RTTN: variants seen among roughly 807,000 people sequenced by gnomAD.
RTTN encodes rotatin.
RTTN carries 182 observed loss-of-function variants against 269.2 expected under a neutral mutation model. That is an observed-to-expected ratio of 0.68 (90% CI 0.60 to 0.76). The LOEUF is 0.76. Ranked by LOEUF, RTTN falls within the 30% of genes least tolerant of loss-of-function variation. The probability of loss-of-function intolerance (pLI) is 0.00; values close to 1 mark genes in which losing one functional copy is unlikely to be tolerated. For missense variants in RTTN, 2,545 were observed against 2,608.6 expected, an observed-to-expected ratio of 0.98 and a Z score of 0.53; for synonymous variants, 1,006 against 963.5, an observed-to-expected ratio of 1.04 and a Z score of -0.82.
At chr18:70,162,349 C>T (rs1048141492) in intron 14 of RTTN, among the ~76,000 whole-genome samples, 5 of 152,096 alleles carry the variant, frequency 3.3e-5, no homozygotes, top group African/African-American at 1.2e-4. Context: ...GACAGTGGGG[C>T]CTACTTCACA....
At chr18:70,077,764 A>C (rs1321116246) in intron 32 of RTTN, among the ~76,000 whole-genome samples, 3 of 151,922 alleles carry the variant, frequency 2.0e-5, no homozygotes, top group Non-Finnish European at 4.4e-5. Flanking sequence ...AATAAAGTTT[A>C]GAATCTGTTC....
chr18:70,026,032 G>A (rs1180746039), intron 43 of RTTN, among the ~76,000 whole-genome samples: 1 of 152,108 alleles, frequency 6.6e-6, no homozygotes, highest in African/African-American at 2.4e-5. Context: ...CATCTTATAT[G>A]TCCTAAATTA....
intron 4 of RTTN, among the ~76,000 whole-genome samples, chr18:70,201,596 A>G (rs1357693319): frequency 1.7e-5 from 2 of 119,888 alleles, no homozygotes; most frequent in African/African-American, 6.3e-5. Context: ...CGACAGAGCG[A>G]GACTCCATCT....
intron 40 of RTTN, among the ~76,000 whole-genome samples, chr18:70,032,412 A>G (rs1568269890): frequency 6.6e-6 from 1 of 152,154 alleles, no homozygotes; most frequent in Non-Finnish European, 1.5e-5. Context: ...AGCCTCCTTC[A>G]TGCCGCCTTG....
intron 22 of RTTN, 37 bp from the exon 23 acceptor site, chr18:70,134,578 C>T: frequency 6.9e-7 from 1 of 1,445,868 alleles, no homozygotes; most frequent in South Asian, 1.2e-5. Context: ...AAAGAAACAA[C>T]TGAGTAGACC....
At chr18:70,018,852 T>TTC (rs2056619696) in intron 45 of RTTN, among the ~76,000 whole-genome samples, 1 of 89,810 alleles carries the variant, frequency 1.1e-5, no homozygotes, top group Non-Finnish European at 2.5e-5. Flanking sequence ...TTTTTTTTTT[T>TTC]GCTGCTTCTA....
At chr18:70,196,435 AAT>A (rs1269658311) in intron 7 of RTTN, 64 bp downstream of exon 7, 1 of 1,415,926 alleles carries the variant, frequency 7.1e-7, no homozygotes, top group African/African-American at 1.4e-5. Context: ...CAGTAACTAT[AAT>A]GGAAGGTTCC....
At position 70,030,937 on chromosome 18, in the gene RTTN, A is replaced by G. The variant is rs937843574; in HGVS notation, c.5586T>C (p.Ala1862=). The G allele has an allele frequency of 6.2e-7, 1 of 1,613,738 alleles. No individual in the cohort carries two copies. The highest frequency in any genetic ancestry group is 1.7e-5 in the Admixed American group (1 of 59,882). ...CCAGCAGTGACATCAATGCATTTGCAGCTACTCTTTTCAGGATATCTTTGG... is the reference window on the plus strand; with the variant it reads ...CCAGCAGTGACATCAATGCATTTGCGGCTACTCTTTTCAGGATATCTTTGG... ...KSSKDILKRV[A]ANALMSLLAV... Residue 1862 remains alanine, a synonymous_variant, in exon 41 of 49, where the codon GCT becomes GCC. Coordinates refer to ENST00000640769, the MANE Select transcript of RTTN (RefSeq NM_173630.4).
rs778372992 is a variant in RTTN, at chr18:70,092,717, G to A, written c.3991C>T (p.Leu1331Phe). 2.5e-5 allele frequency: 40 copies of A among 1,613,428 alleles called. No individual in the cohort carries two copies. The highest frequency in any genetic ancestry group is 3.4e-5 in the Non-Finnish European group (40 of 1,179,614). ...GVTKSTILCL[L>F]HLSHEMMAQA... ...GCCATCATCTCATGGGATAAGTGAA[G>A]CAAGCAAAGAATTGTGCTCTTTGTA... Residue 1331 changes from leucine to phenylalanine, a missense_variant, in exon 29 of 49, where the codon CTT becomes TTT. By Grantham distance (22) the Leu-to-Phe change is conservative. Transcript: ENST00000640769.
At chr18:70,055,304 TAC>T (rs1394035748) in intron 37 of RTTN, among the ~76,000 whole-genome samples, 3 of 151,304 alleles carry the variant, frequency 2.0e-5, no homozygotes, top group Non-Finnish European at 1.5e-5. Flanking sequence ...TCTCTCTCTG[TAC>T]ACACACACAC....
At position 70,109,558 on chromosome 18, in the gene RTTN, T is replaced by C. The variant is rs1191913642; in HGVS notation, c.3843A>G (p.Ser1281=). 6.2e-7 allele frequency: 1 copy of C among 1,613,986 alleles called. No homozygotes were observed. Among genetic ancestry groups the C allele is most frequent in the Non-Finnish European group, 8.5e-7 (1 of 1,179,992 alleles). ...CTAGAGGCTTTGTGAGAGGAGAGTGTGAGCTCCATCCCGGAAACGCAGTGA... is the reference window on the plus strand; with the variant it reads ...CTAGAGGCTTTGTGAGAGGAGAGTGCGAGCTCCATCCCGGAAACGCAGTGA... ...ANLTAFPGWS[S]HSPLTKPLDI... Residue 1281 remains serine, a synonymous_variant, in exon 28 of 49, where the codon TCA becomes TCG. Coordinates refer to ENST00000640769, the MANE Select transcript of RTTN (RefSeq NM_173630.4).
rs751523577 is a variant in RTTN at position 70,135,170 on chromosome 18, T to C, written c.2885+14A>G. 2.8e-6 allele frequency: 4 copies of C among 1,403,640 alleles called. No homozygotes were observed. The highest frequency in any genetic ancestry group is 3.9e-6 in the Non-Finnish European group (4 of 1,029,392). 86.9% of individuals were successfully genotyped at this position (1,403,640 alleles called of 1,614,324 possible). On this transcript the variant is annotated intron_variant, in intron 22 of 48. Transcript: ENST00000640769. ...TAGTTAAGAGTAAAAAACTTATAAA[T>C]TCTTATATCTCACCACATATCCATT...
intron 27 of RTTN, among the ~76,000 whole-genome samples, chr18:70,110,576 C>T (rs748600712): frequency 6.6e-6 from 1 of 152,136 alleles, no homozygotes; most frequent in Non-Finnish European, 1.5e-5. Flanking sequence ...CAGGAGATTC[C>T]CTCGGTTGCC....
At chr18:70,022,924 C>T (rs143339917) in intron 44 of RTTN, among the ~76,000 whole-genome samples, 12 of 152,156 alleles carry the variant, frequency 7.9e-5, no homozygotes, top group Admixed American at 1.3e-4. Context: ...CCTGGGTAAT[C>T]GCAAACAGCC....
At chr18:70,109,360 A>G (rs2059401621) in intron 28 of RTTN, 138 bp downstream of exon 28, 1 of 595,336 alleles carries the variant, frequency 1.7e-6, no homozygotes, top group African/African-American at 1.8e-5. Flanking sequence ...AAAATCACTA[A>G]AACATTTCAC....
intron 46 of RTTN, among the ~76,000 whole-genome samples, chr18:70,009,344 G>A (rs2056298462): frequency 6.6e-6 from 1 of 152,020 alleles, no homozygotes. Context: ...TACCATATGG[G>A]CCAGGCTGGT....
rs774324508 is a variant in RTTN, at chr18:70,205,673, C to A, written c.-15G>T. 1 of 1,614,134 alleles carries A rather than the reference C, an allele frequency of 6.2e-7. No homozygotes were observed. The highest frequency in any genetic ancestry group is 1.7e-5 in the Admixed American group (1 of 60,022). On this transcript the variant is annotated 5_prime_UTR_variant, in exon 1 of 49. Coordinates refer to ENST00000640769, the MANE Select transcript of RTTN (RefSeq NM_173630.4). ...GCCAGGACCATCTCGTCCCGTCAAT[C>A]TGCAGCCGCCGGAGAATTAAACTGC...
At chr18:70,095,689 C>T (rs916343098) in intron 28 of RTTN, among the ~76,000 whole-genome samples, 1 of 152,090 alleles carries the variant, frequency 6.6e-6, no homozygotes, top group African/African-American at 2.4e-5. Flanking sequence ...ATGGGCTTCC[C>T]TTTGTGGGTA....
intron 11 of RTTN, among the ~76,000 whole-genome samples, chr18:70,172,873 C>A (rs2061179198): frequency 2.0e-5 from 3 of 152,222 alleles, no homozygotes; most frequent in Admixed American, 2.0e-4. Context: ...ATAGATTGAC[C>A]ATTTGCAATA....
Sources: allele counts gnomAD v4.1 joint callset (sites outside exome capture counted in the v4.1 genomes callset), GRCh38; gene constraint gnomAD v4.1.1; transcripts MANE v1.5; gene names NCBI Gene and HGNC (gene_info 2026-07-23, HGNC 2026-07-21).